The following ATP8B1 variants were observed in gnomAD, a reference collection of about 807,000 sequenced individuals.
ATP8B1 encodes ATPase phospholipid transporting 8B1, also known as phospholipid-transporting ATPase IC.
Under a neutral mutation model 149.9 loss-of-function variants are expected in ATP8B1, and 80 were observed. The ratio of observed to expected loss-of-function variants is 0.53; its 90% confidence interval spans 0.45 to 0.64. The LOEUF is 0.64. ATP8B1 is among the 30% of genes least tolerant of loss of function. The pLI is 0.00. For missense variants in ATP8B1, 1,247 were observed against 1,552.6 expected (o/e 0.80, Z 3.31); for synonymous variants, 536 against 562.8 (o/e 0.95, Z 0.67).
chr18:57,662,126 T>C lies in ATP8B1; in HGVS notation c.2418+357A>G, dbSNP rs564847870. 7.2e-5 allele frequency among the ~76,000 whole-genome samples: 11 copies of C among 152,266 alleles called. No individual in the cohort carries two copies. In the South Asian group the frequency reaches 2.3e-3, roughly 32 times the overall value. Reference sequence around the variant, plus strand: ...ATTGCATGCTGCAGCCTCGAACACCTAAGCTCAAACCACCCTCCTGCTTCA... The same window carrying C: ...ATTGCATGCTGCAGCCTCGAACACCCAAGCTCAAACCACCCTCCTGCTTCA... On this transcript the variant is annotated intron_variant, in intron 21 of 27. Coordinates refer to ENST00000648908, the MANE Select transcript of ATP8B1 (RefSeq NM_001374385.1).
chr18:57,766,134 C>G (rs564968310), intron 1 of ATP8B1, among the ~76,000 whole-genome samples: 2 of 149,664 alleles, frequency 1.3e-5, no homozygotes, highest in Admixed American at 6.8e-5. Flanking sequence ...ACCTCTGCCT[C>G]CCAGATTCAA....
At chr18:57,781,406 C>T (rs1178700259) in intron 1 of ATP8B1, among the ~76,000 whole-genome samples, 1 of 152,122 alleles carries the variant, frequency 6.6e-6, no homozygotes, top group Admixed American at 6.5e-5. Context: ...AACAGAACCA[C>T]CTGTTTTTGA....
rs1236030643 is a variant in ATP8B1, at chr18:57,704,682, TAA to T, written c.280-16_280-15del. 2.7e-6 allele frequency: 4 copies of T among 1,496,680 alleles called. No individual in the cohort carries two copies. The highest frequency in any genetic ancestry group is 1.7e-5 in the Admixed American group (1 of 59,610). 92.7% of individuals were successfully genotyped at this position (1,496,680 alleles called of 1,614,324 possible). On this transcript the variant is annotated splice_polypyrimidine_tract_variant and intron_variant, in intron 3 of 27. Transcript: ENST00000648908. ...AATTGCATTATTCTGTTGGAAAAAA[TAA>T]GAGTCATTCTAAATGATGCTGTATT...
At chr18:57,713,192 T>C (rs140337429) in intron 2 of ATP8B1, among the ~76,000 whole-genome samples, 7,511 of 88,034 alleles carry the variant, frequency 0.085, 300 homozygotes, top group East Asian at 0.22. Context: ...TCTTTCTTTC[T>C]TTCTTTCCTT....
chr18:57,792,120 T>G (rs2080469395), intron 1 of ATP8B1, among the ~76,000 whole-genome samples: 1 of 152,204 alleles, frequency 6.6e-6, no homozygotes. Context: ...CACACACATA[T>G]TTGTAGCTCT....
rs566867812 is a variant in ATP8B1 at position 57,650,575 on chromosome 18, G to T, written c.3401-78C>A. On this transcript the variant is annotated intron_variant, in intron 26 of 27. Transcript: ENST00000648908. ...AGTTAATATTTCGCCAGGTGTGGTG[G>T]CTCATGCCTGTAATCCTAACACTTT... The T allele has an allele frequency of 2.3e-5, 35 of 1,535,228 alleles. No homozygotes were observed. In the African/African-American group the frequency reaches 3.7e-4, roughly 16 times the overall value.
chr18:57,721,145 C>A (rs1476448972), intron 2 of ATP8B1, among the ~76,000 whole-genome samples: 3 of 114,158 alleles, frequency 2.6e-5, no homozygotes, highest in Non-Finnish European at 3.8e-5. Context: ...CAAAATCATG[C>A]CAAAATGTAA....
Position 57,654,182 on chromosome 18 carries a change from T to C in ATP8B1, c.2932-107A>G, listed in dbSNP as rs1909831779. ...ATTTAACATTTTGTTTGTTTGTTTG[T>C]TTTAATAGAGATGGGGGTCTTGCTA... On this transcript the variant is annotated intron_variant, in intron 23 of 27. Transcript: ENST00000648908. The C allele has an allele frequency of 1.8e-5, 19 of 1,058,010 alleles. No individual in the cohort carries two copies. In the Admixed American group the frequency reaches 3.7e-4, roughly 21 times the overall value. 65.5% of individuals were successfully genotyped at this position (1,058,010 alleles called of 1,614,324 possible). A position where few individuals can be genotyped will look rare whatever the true frequency, so the allele number is the denominator to read the frequency against.
intron 12 of ATP8B1, 55 bp from the exon 13 acceptor site, chr18:57,688,562 G>A (rs1912378260): frequency 1.3e-6 from 2 of 1,555,658 alleles, no homozygotes; most frequent in African/African-American, 1.4e-5. Flanking sequence ...GTGGCAAGTA[G>A]TAGAGATTTT....
chr18:57,785,252 G>A (rs990866047), intron 1 of ATP8B1, among the ~76,000 whole-genome samples: 5 of 152,206 alleles, frequency 3.3e-5, no homozygotes, highest in African/African-American at 1.2e-4. Context: ...GTGGATATAG[G>A]TGTTAGCTGG....
intron 1 of ATP8B1, among the ~76,000 whole-genome samples, chr18:57,755,015 A>G (rs1202440043): frequency 6.6e-6 from 1 of 152,186 alleles, no homozygotes; most frequent in Non-Finnish European, 1.5e-5. Context: ...TTTCAGAATG[A>G]TAAAGTGGTT....
At chr18:57,653,801 C>T (rs1018145694) in intron 24 of ATP8B1, among the ~76,000 whole-genome samples, 191 bp downstream of exon 24, 2 of 150,582 alleles carry the variant, frequency 1.3e-5, no homozygotes, top group Admixed American at 1.3e-4. Context: ...GCTGGGACTA[C>T]AGAGAAATCC....
At chr18:57,799,779 T>C (rs1029535867) in intron 1 of ATP8B1, among the ~76,000 whole-genome samples, 4 of 151,900 alleles carry the variant, frequency 2.6e-5, no homozygotes, top group Non-Finnish European at 5.9e-5. Flanking sequence ...CATGCTCATA[T>C]CTATATACAT....
chr18:57,667,869 G>T (rs1416966163), intron 19 of ATP8B1: 4 of 242,134 alleles, frequency 1.7e-5, no homozygotes, highest in Non-Finnish European at 2.5e-5. Flanking sequence ...ACTTTGCAGA[G>T]TGTGTAACCC....
Position 57,648,702 on chromosome 18 carries a change from T to G in ATP8B1, c.3542A>C (p.His1181Pro). Residue 1181 changes from histidine to proline, a missense_variant, in exon 28 of 28, where the codon CAT becomes CCT. Transcript: ENST00000648908. ...WPSESDKIQK[H>P]RKRLKAEEQW... ...CTCCTCCGCCTTCAACCGCTTGCGA[T>G]GCTTCTGGATCTGCAAGGGGGAGAG... 1 of 1,554,258 alleles carries G rather than the reference T, an allele frequency of 6.4e-7. No individual in the cohort carries two copies.
chr18:57,711,465 C>A (rs1053041467), intron 2 of ATP8B1, among the ~76,000 whole-genome samples: 2 of 152,214 alleles, frequency 1.3e-5, no homozygotes, highest in African/African-American at 4.8e-5. Flanking sequence ...TATGTACACA[C>A]ACGTGCACAT....
chr18:57,678,553 C>G (rs1397744326), intron 15 of ATP8B1, among the ~76,000 whole-genome samples: 1 of 146,798 alleles, frequency 6.8e-6, no homozygotes, highest in East Asian at 2.0e-4. Flanking sequence ...CACCATTGCA[C>G]TCCAGCCCAG....
At chr18:57,686,292 A>T (rs1040622211) in intron 13 of ATP8B1, among the ~76,000 whole-genome samples, 1 of 152,006 alleles carries the variant, frequency 6.6e-6, no homozygotes, top group Non-Finnish European at 1.5e-5. Flanking sequence ...AAAACAAACA[A>T]TTGTAGTGAA....
intron 1 of ATP8B1, among the ~76,000 whole-genome samples, chr18:57,754,063 G>A (rs779350551): frequency 1.9e-4 from 16 of 82,826 alleles, no homozygotes; most frequent in African/African-American, 3.3e-4. Flanking sequence ...TTGGACTTGA[G>A]GAGGCATATT....
Sources: gnomAD v4.1 joint callset for allele counts (sites outside exome capture counted in the v4.1 genomes callset) on GRCh38, gnomAD v4.1.1 for gene constraint, MANE v1.5 for transcripts, NCBI Gene and HGNC (gene_info 2026-07-23, HGNC 2026-07-21) for gene names.